SLAMF8: variants seen among roughly 807,000 people sequenced by gnomAD.
SLAMF8 encodes the protein B lymphocyte activator macrophage expressed.
Under a neutral mutation model 29.0 loss-of-function variants are expected in SLAMF8, and 23 were observed. The observed-to-expected ratio is 0.79, with a 90% CI of 0.57 to 1.13. SLAMF8 has a LOEUF of 1.13. Ranked by LOEUF, SLAMF8 falls within the 50% of genes most tolerant of loss-of-function variation. The probability of loss-of-function intolerance (pLI) is 0.00; values close to 1 mark genes in which losing one functional copy is unlikely to be tolerated. For synonymous variants in SLAMF8, 139 were observed against 145.6 expected (o/e 0.96, Z 0.32); for missense variants, 381 against 353.1 (o/e 1.08, Z -0.63).
At chr1:159,831,599 T>C (rs1647492756) in intron 2 of SLAMF8, among the ~76,000 whole-genome samples, 1 of 152,224 alleles carries the variant, frequency 6.6e-6, no homozygotes, top group Admixed American at 6.5e-5. Flanking sequence ...ACATTGAATG[T>C]GATAATACAT....
Position 159,837,315 on chromosome 1 carries a change from C to A in SLAMF8, c.*2055C>A. The A allele has an allele frequency of 1.0e-6, 1 of 985,008 alleles. No homozygotes were observed. The highest frequency in any genetic ancestry group is 1.7e-5 in the African/African-American group (1 of 57,338). The allele number at this position is 985,008 out of a possible 1,614,324, so 61.0% of individuals were successfully genotyped here. A position where few individuals can be genotyped will look rare whatever the true frequency, so the allele number is the denominator to read the frequency against. On this transcript the variant is annotated 3_prime_UTR_variant, in exon 5 of 5. Coordinates refer to ENST00000289707, the MANE Select transcript of SLAMF8 (RefSeq NM_020125.3). ...AAAACACAAAGTGCTTCTGTGAGAC[C>A]AATTTTGTGCTAATGAGCATTGAGA... is the stretch of plus-strand genomic sequence containing the variant.
chr1:159,833,527 A>G (rs1485335972), intron 4 of SLAMF8, among the ~76,000 whole-genome samples, 158 bp downstream of exon 4: 1 of 152,178 alleles, frequency 6.6e-6, no homozygotes, highest in Non-Finnish European at 1.5e-5. Flanking sequence ...CTTGGTTTAC[A>G]ACCAGACTCA....
Position 159,835,559 on chromosome 1 carries a change from A to G in SLAMF8, c.*299A>G. The G allele has an allele frequency of 8.6e-7, 1 of 1,158,038 alleles. No homozygotes were observed. The highest frequency in any genetic ancestry group is 4.6e-5 in the East Asian group (1 of 21,506). The allele number at this position is 1,158,038 out of a possible 1,614,324, so 71.7% of individuals were successfully genotyped here. A position where few individuals can be genotyped will look rare whatever the true frequency, so the allele number is the denominator to read the frequency against. ...TGGAAGTTCTCCAGGATCCAGATCC[A>G]TGGGGACATTAATAGTCCAAGGCAT... On this transcript the variant is annotated 3_prime_UTR_variant, in exon 5 of 5. Coordinates refer to ENST00000289707, the MANE Select transcript of SLAMF8 (RefSeq NM_020125.3).
At position 159,833,052 on chromosome 1, in the gene SLAMF8, G is replaced by C. The variant is rs1432543200; in HGVS notation, c.544G>C (p.Asp182His). 1.9e-6 allele frequency: 3 copies of C among 1,614,220 alleles called. No homozygotes were observed. Among genetic ancestry groups the C allele is most frequent in the Non-Finnish European group, 2.5e-6 (3 of 1,180,046 alleles). ...TATGGAACCACACAGCCTCTTCACA[G>C]ACGGACAGGTGCTGAGCATTTCCCT... ...FGMEPHSLFT[D>H]GQVLSISLGP... Residue 182 changes from aspartate to histidine, a missense_variant, in exon 3 of 5, where the codon GAC becomes CAC. Asp to His is a moderately conservative substitution (Grantham distance 81). Coordinates refer to ENST00000289707, the MANE Select transcript of SLAMF8 (RefSeq NM_020125.3).
chr1:159,832,853 C>T, intron 2 of SLAMF8, 23 bp from the exon 3 acceptor site: 2 of 1,606,224 alleles, frequency 1.2e-6, no homozygotes, highest in Non-Finnish European at 1.7e-6. Flanking sequence ...GAGACCCATA[C>T]CAGCTGTACT....
intron 1 of SLAMF8, among the ~76,000 whole-genome samples, chr1:159,827,394 C>T (rs1280711722): frequency 6.6e-6 from 1 of 152,102 alleles, no homozygotes; most frequent in Non-Finnish European, 1.5e-5. Flanking sequence ...GAGGTCCCTC[C>T]CTACAGGCCT....
Position 159,835,305 on chromosome 1 carries a change from A to G in SLAMF8, c.*45A>G, listed in dbSNP as rs941777641. On this transcript the variant is annotated 3_prime_UTR_variant, in exon 5 of 5. Transcript: ENST00000289707. The stretch of plus-strand genomic sequence containing the variant: ...CCTGGACTATCAGTAACCCCACTGC[A>G]CAGGCACACGATGCTCTGGGACATA... The G allele has an allele frequency of 6.3e-7, 1 of 1,598,308 alleles. No individual in the cohort carries two copies. The highest frequency in any genetic ancestry group is 1.3e-5 in the African/African-American group (1 of 74,282).
rs956736411 is a variant in SLAMF8 at position 159,837,134 on chromosome 1, C to T, written c.*1874C>T. The T allele has an allele frequency of 4.1e-6, 4 of 985,392 alleles. No individual in the cohort carries two copies. The African/African-American group carries it at 7.0e-5, about 17-fold the overall frequency. 61.0% of individuals were successfully genotyped at this position (985,392 alleles called of 1,614,324 possible). A position where few individuals can be genotyped will look rare whatever the true frequency, so the allele number is the denominator to read the frequency against. ...TCTGGATGAGATGGGACCTGCAGCT[C>T]TCCCTCCACAAGGTGACTCTTAGCA... On this transcript the variant is annotated 3_prime_UTR_variant, in exon 5 of 5. Transcript: ENST00000289707.
chr1:159,836,925 C>G lies in SLAMF8; in HGVS notation c.*1665C>G, dbSNP rs1647986262. The G allele has an allele frequency of 3.0e-6, 3 of 985,446 alleles. No homozygotes were observed. The highest frequency in any genetic ancestry group is 3.6e-6 in the Non-Finnish European group (3 of 830,004). 61.0% of individuals were successfully genotyped at this position (985,446 alleles called of 1,614,324 possible). A position where few individuals can be genotyped will look rare whatever the true frequency, so the allele number is the denominator to read the frequency against. ...AGCTTGCACCATCCCCACCTGCCAC[C>G]TACAGTCAGGCCACATGCCTGGTCA... On this transcript the variant is annotated 3_prime_UTR_variant, in exon 5 of 5. Transcript: ENST00000289707.
Position 159,835,212 on chromosome 1 carries a change from C to CAGAGTG in SLAMF8, c.811_816dup (p.Arg271_Val272dup). The CAGAGTG allele has an allele frequency of 6.2e-7, 1 of 1,614,120 alleles. No homozygotes were observed. Among genetic ancestry groups the CAGAGTG allele is most frequent in the Non-Finnish European group, 8.5e-7 (1 of 1,180,010 alleles). On this transcript the variant is annotated inframe_insertion, in exon 5 of 5. Transcript: ENST00000289707. The stretch of plus-strand genomic sequence containing the variant: ...AAAAGAAAAAGGATGTCCATGCTGA[C>CAGAGTG]AGAGTGGGTCCAGAGACAGAGAACC...
intron 1 of SLAMF8, among the ~76,000 whole-genome samples, chr1:159,827,296 C>G (rs1406290320): frequency 2.0e-5 from 3 of 152,044 alleles, no homozygotes; most frequent in African/African-American, 7.3e-5. Context: ...AGAAACTCTG[C>G]AGAGTTTGAG....
chr1:159,830,543 C>G (rs1006932046), intron 2 of SLAMF8, among the ~76,000 whole-genome samples: 3 of 152,106 alleles, frequency 2.0e-5, no homozygotes, highest in Non-Finnish European at 2.9e-5. Context: ...AATGCAGTGG[C>G]ATTTGCAGTG....
Position 159,829,842 on chromosome 1 carries a change from TGACCAGGGG to T in SLAMF8, c.41-23_41-15del. ...GATGAGGAGTGTGGGGCAGGCAGAG[TGACCAGGGG>T]CTCTGTTCTTTCAGCCCTACTTCCC... On this transcript the variant is annotated splice_polypyrimidine_tract_variant and intron_variant, in intron 1 of 4. Transcript: ENST00000289707. The T allele has an allele frequency of 6.4e-7, 1 of 1,570,598 alleles. No individual in the cohort carries two copies.
intron 1 of SLAMF8, among the ~76,000 whole-genome samples, chr1:159,829,509 C>A (rs1647315423): frequency 6.6e-6 from 1 of 152,224 alleles, no homozygotes; most frequent in African/African-American, 2.4e-5. Context: ...GATTCCCATT[C>A]CTCTTCAAGG....
intron 2 of SLAMF8, 80 bp from the exon 3 acceptor site, chr1:159,832,796 C>G: frequency 6.6e-7 from 1 of 1,506,758 alleles, no homozygotes; most frequent in Non-Finnish European, 9.0e-7. Flanking sequence ...GCATCTAACC[C>G]TGGGTAGATC....
rs545417500 is a variant in SLAMF8 at position 159,834,413 on chromosome 1, G to A, written c.782-771G>A. The stretch of plus-strand genomic sequence containing the variant: ...GTGGGAGGGTATTGCCCTGGCCCCT[G>A]GCCCCTGGCCCCTGCCCCAAGAGTC... On this transcript the variant is annotated intron_variant, in intron 4 of 4. Transcript: ENST00000289707. The A allele has an allele frequency of 2.0e-5, 3 of 152,376 alleles. No individual in the cohort carries two copies. The East Asian group carries it at 5.8e-4, about 29-fold the overall frequency. 9.4% of individuals were successfully genotyped at this position (152,376 alleles called of 1,614,324 possible). A position where few individuals can be genotyped will look rare whatever the true frequency, so the allele number is the denominator to read the frequency against.
At chr1:159,829,752 G>A (rs1418550559) in intron 1 of SLAMF8, 114 bp from the exon 2 acceptor site, 2 of 1,117,858 alleles carry the variant, frequency 1.8e-6, no homozygotes, top group South Asian at 1.6e-5. Flanking sequence ...CTCAACTTGA[G>A]TGGAGGGAAT....
In SLAMF8 at chr1:159,832,904, G is replaced by T; in HGVS notation, c.396G>T (p.Val132=). 6.2e-7 allele frequency: 1 copy of T among 1,614,178 alleles called. No individual in the cohort carries two copies. Among genetic ancestry groups the T allele is most frequent in the African/African-American group, 1.3e-5 (1 of 75,052 alleles). The change falls in exon 3 of 5, where the codon GTG becomes GTT. Residue 132 remains valine (V), a synonymous_variant. Transcript: ENST00000289707. The part of the protein sequence containing the change: ...YDAVPRPVVQ[V]FIAVERDAQP... Reference sequence around the variant, plus strand: ...CAGTGCCCAGGCCCGTGGTACAAGTGTTCATTGCTGTAGAAAGGGATGCTC... The same window carrying T: ...CAGTGCCCAGGCCCGTGGTACAAGTTTTCATTGCTGTAGAAAGGGATGCTC...
chr1:159,835,476 C>T lies in SLAMF8; in HGVS notation c.*216C>T, dbSNP rs1438216239. Reference sequence around the variant, plus strand: ...CTCCCCCTTCCCTCTCCCATCTTCTCATATCCTGGCTCTTCTCTGGGCAAG... The same window carrying T: ...CTCCCCCTTCCCTCTCCCATCTTCTTATATCCTGGCTCTTCTCTGGGCAAG... On this transcript the variant is annotated 3_prime_UTR_variant, in exon 5 of 5. Transcript: ENST00000289707. The T allele has an allele frequency of 1.5e-6, 2 of 1,337,568 alleles. No homozygotes were observed. The highest frequency in any genetic ancestry group is 1.9e-6 in the Non-Finnish European group (2 of 1,047,334). The allele number at this position is 1,337,568 out of a possible 1,614,324, so 82.9% of individuals were successfully genotyped here.
Sources: gnomAD v4.1 joint callset for allele counts (sites outside exome capture counted in the v4.1 genomes callset) on GRCh38, gnomAD v4.1.1 for gene constraint, MANE v1.5 for transcripts, NCBI Gene and HGNC (gene_info 2026-07-23, HGNC 2026-07-21) for gene names.